C8orf76: variants seen among roughly 807,000 people sequenced by gnomAD.
C8orf76 encodes the protein uncharacterized protein C8orf76.
In C8orf76, 46 loss-of-function variants were observed where a neutral mutation model predicts 38.1. The ratio of observed to expected loss-of-function variants is 1.21; its 90% confidence interval spans 0.95 to 1.54. C8orf76 has a LOEUF of 1.54. C8orf76 is among the 40% of genes most tolerant of loss of function. The pLI, the probability that C8orf76 is intolerant of heterozygous loss-of-function variation, is 0.00. For synonymous variants in C8orf76, 166 were observed against 167.5 expected (o/e 0.99, Z 0.07); for missense variants, 461 against 441.6 (o/e 1.04, Z -0.39).
Position 123,220,171 on chromosome 8 carries a change from T to C in C8orf76, c.1075A>G (p.Arg359Gly). The C allele has an allele frequency of 6.2e-7, 1 of 1,614,138 alleles. No homozygotes were observed. Among genetic ancestry groups the C allele is most frequent in the Non-Finnish European group, 8.5e-7 (1 of 1,179,996 alleles). Residue 359 changes from arginine (R) to glycine (G), a missense_variant, in exon 6 of 6, where the codon AGA becomes GGA. Coordinates refer to ENST00000276704, the MANE Select transcript of C8orf76 (RefSeq NM_032847.3). Reference sequence around the variant, plus strand: ...GGACAGAAATGGTCTTTGATCTTTCTGAACCACTTGTCTTCAAATTCTTCT... The same window carrying C: ...GGACAGAAATGGTCTTTGATCTTTCCGAACCACTTGTCTTCAAATTCTTCT... Reference protein sequence around the residue: ...SSEEFEDKWFRKIKDHFCPFE... With the variant: ...SSEEFEDKWFGKIKDHFCPFE...
chr8:123,230,532 C>G (rs1231674684), intron 4 of C8orf76, among the ~76,000 whole-genome samples: 3 of 152,204 alleles, frequency 2.0e-5, no homozygotes, highest in African/African-American at 7.2e-5. Flanking sequence ...GTTGCCTAGG[C>G]TGGAGTGCTG....
intron 5 of C8orf76, among the ~76,000 whole-genome samples, chr8:123,221,109 A>G (rs937263229): frequency 3.3e-5 from 5 of 152,252 alleles, no homozygotes; most frequent in East Asian, 3.8e-4. Flanking sequence ...AACTCAAATT[A>G]TAATGAATTA....
chr8:123,241,294 T>C lies in C8orf76; in HGVS notation c.53A>G (p.Glu18Gly). 1 of 1,577,314 alleles carries C rather than the reference T, an allele frequency of 6.3e-7. No homozygotes were observed. The highest frequency in any genetic ancestry group is 8.6e-7 in the Non-Finnish European group (1 of 1,166,954). ...FGGEFEDSVF[E>G]ERPERRSGPP... ...TCCTGACCGCCGCTCCGGCCTCTCCTCGAACACCGAGTCCTCGAACTCGCC... is the reference window on the plus strand; with the variant it reads ...TCCTGACCGCCGCTCCGGCCTCTCCCCGAACACCGAGTCCTCGAACTCGCC... The change falls in exon 1 of 6, where the codon GAG becomes GGG. Residue 18 changes from glutamate (E) to glycine (G), a missense_variant. Coordinates refer to ENST00000276704, the MANE Select transcript of C8orf76 (RefSeq NM_032847.3).
Position 123,231,392 on chromosome 8 carries a change from A to G in C8orf76, c.723T>C (p.Ala241=). The G allele has an allele frequency of 6.2e-7, 1 of 1,614,226 alleles. No individual in the cohort carries two copies. The highest frequency in any genetic ancestry group is 1.3e-5 in the African/African-American group (1 of 75,062). Residue 241 remains alanine, a synonymous_variant, in exon 4 of 6, where the codon GCT becomes GCC. Coordinates refer to ENST00000276704, the MANE Select transcript of C8orf76 (RefSeq NM_032847.3). The stretch of plus-strand genomic sequence containing the variant: ...CCATACAGTTTTGGATATTTGTCAG[A>G]GCTTTCTCATTTTTCTGGCTATTAC... ...NSSNSQKNEK[A]LTNIQNCMAE... is the part of the protein sequence containing the mutation.
intron 5 of C8orf76, among the ~76,000 whole-genome samples, chr8:123,224,228 A>T (rs900865562): frequency 6.6e-6 from 1 of 152,250 alleles, no homozygotes; most frequent in Non-Finnish European, 1.5e-5. Context: ...TAATTCAAAT[A>T]AAAGAATTAC....
intron 5 of C8orf76, among the ~76,000 whole-genome samples, chr8:123,221,262 G>A (rs142618424): frequency 1.3e-5 from 2 of 152,176 alleles, no homozygotes; most frequent in Non-Finnish European, 2.9e-5. Flanking sequence ...CCAGTTCTAA[G>A]ATACTTTTTT....
chr8:123,227,907 C>T (rs1387883121), intron 4 of C8orf76, among the ~76,000 whole-genome samples: 2 of 152,138 alleles, frequency 1.3e-5, no homozygotes, highest in African/African-American at 4.8e-5. Flanking sequence ...CATCACCTAC[C>T]CGGCCTCGGG....
chr8:123,238,830 C>T, intron 2 of C8orf76: 1 of 486,784 alleles, frequency 2.1e-6, no homozygotes. Context: ...AGGACAAGGA[C>T]CCCAAAGAGA....
intron 5 of C8orf76, among the ~76,000 whole-genome samples, 185 bp from the exon 6 acceptor site, chr8:123,220,482 CTG>C (rs898120734): frequency 2.6e-5 from 4 of 151,280 alleles, no homozygotes; most frequent in Non-Finnish European, 5.9e-5. Flanking sequence ...ACCACCCTGA[CTG>C]TGCCCGATCT....
chr8:123,233,455 C>T (rs961364328), intron 3 of C8orf76, among the ~76,000 whole-genome samples: 4 of 151,962 alleles, frequency 2.6e-5, no homozygotes, highest in Admixed American at 6.5e-5. Context: ...AGTGCAGTGG[C>T]GTGATCTCGA....
At chr8:123,227,107 G>A (rs1022427892) in intron 4 of C8orf76, among the ~76,000 whole-genome samples, 3 of 152,014 alleles carry the variant, frequency 2.0e-5, no homozygotes, top group Admixed American at 6.6e-5. Flanking sequence ...AATTAGATTC[G>A]CTAGCACACT....
intron 3 of C8orf76, among the ~76,000 whole-genome samples, chr8:123,237,270 G>C (rs1289513390): frequency 6.6e-6 from 1 of 152,158 alleles, no homozygotes; most frequent in African/African-American, 2.4e-5. Flanking sequence ...CATGGCCCTG[G>C]GGCCTCAATA....
At position 123,237,845 on chromosome 8, in the gene C8orf76, C is replaced by A; in HGVS notation, c.310G>T (p.Ala104Ser). The A allele has an allele frequency of 6.2e-7, 1 of 1,614,006 alleles. No homozygotes were observed. The highest frequency in any genetic ancestry group is 8.5e-7 in the Non-Finnish European group (1 of 1,179,958). Residue 104 changes from alanine (A) to serine (S), a missense_variant, in exon 3 of 6, where the codon GCT becomes TCT. Coordinates refer to ENST00000276704, the MANE Select transcript of C8orf76 (RefSeq NM_032847.3). ...GCCTCCATATGCCTACCCAGGTGAG[C>A]CAGACACCGAGCCTGACCTTCCTGG... ...DVQEGQARCLAHLGRHMEALE... is the reference protein window; with the variant it reads ...DVQEGQARCLSHLGRHMEALE...
At chr8:123,233,026 T>A (rs528642555) in intron 3 of C8orf76, among the ~76,000 whole-genome samples, 2 of 147,608 alleles carry the variant, frequency 1.4e-5, no homozygotes, top group Non-Finnish European at 3.0e-5. Context: ...TTCAAAAACT[T>A]TTTTTTTTTT....
rs1265943140 is a variant in C8orf76 at position 123,220,163 on chromosome 8, G to GATCTTTCTGAACCACTTGTCTTCA, written c.1059_1082dup (p.Glu354_Ile361dup). ...TTTCAAATGGACAGAAATGGTCTTTGATCTTTCTGAACCACTTGTCTTCAA... is the reference window on the plus strand; with the variant it reads ...TTTCAAATGGACAGAAATGGTCTTTGATCTTTCTGAACCACTTGTCTTCAATCTTTCTGAACCACTTGTCTTCAA... On this transcript the variant is annotated inframe_insertion, in exon 6 of 6. Coordinates refer to ENST00000276704, the MANE Select transcript of C8orf76 (RefSeq NM_032847.3). 1 of 1,613,868 alleles carries GATCTTTCTGAACCACTTGTCTTCA rather than the reference G, an allele frequency of 6.2e-7. No homozygotes were observed. The highest frequency in any genetic ancestry group is 8.5e-7 in the Non-Finnish European group (1 of 1,179,940).
chr8:123,233,863 C>T (rs1207003162), intron 3 of C8orf76, among the ~76,000 whole-genome samples: 1 of 151,816 alleles, frequency 6.6e-6, no homozygotes, highest in Non-Finnish European at 1.5e-5. Context: ...CCCATCTCTA[C>T]TAAAAATACA....
chr8:123,241,277 G>A lies in C8orf76; in HGVS notation c.70C>T (p.Arg24Trp), dbSNP rs1825677038. ...CAGTAGGACGCGGGCGGTCCTGACC[G>A]CCGCTCCGGCCTCTCCTCGAACACC... is the stretch of plus-strand genomic sequence containing the variant. ...DSVFEERPER[R>W]SGPPASYCAK... is the part of the protein sequence containing the mutation. The change falls in exon 1 of 6, where the codon CGG (arginine) becomes TGG (tryptophan). Residue 24 changes from arginine to tryptophan, a missense_variant. Physicochemically the swap from Arg to Trp is moderately radical, Grantham distance 101. Transcript: ENST00000276704. The A allele has an allele frequency of 8.2e-6, 13 of 1,581,592 alleles. No homozygotes were observed. The highest frequency in any genetic ancestry group is 1.1e-5 in the South Asian group (1 of 89,140).
intron 5 of C8orf76, among the ~76,000 whole-genome samples, chr8:123,223,897 G>C (rs1006556417): frequency 6.6e-6 from 1 of 152,096 alleles, no homozygotes; most frequent in African/African-American, 2.4e-5. Context: ...GAAATATCTA[G>C]AATAGATAAA....
At chr8:123,238,999 A>G in intron 2 of C8orf76, 50 bp downstream of exon 2, 1 of 1,573,164 alleles carries the variant, frequency 6.4e-7, no homozygotes, top group Non-Finnish European at 8.7e-7. Flanking sequence ...TACATATGCC[A>G]TAACTGATAA....
Sources: gnomAD v4.1 joint callset for allele counts (sites outside exome capture counted in the v4.1 genomes callset) on GRCh38, gnomAD v4.1.1 for gene constraint, MANE v1.5 for transcripts, NCBI Gene and HGNC (gene_info 2026-07-23, HGNC 2026-07-21) for gene names.